BSPH1: variants seen among roughly 807,000 people sequenced by gnomAD.
BSPH1 encodes binder of sperm protein homolog 1.
In BSPH1, 21 loss-of-function variants were observed where a neutral mutation model predicts 22.5. The ratio of observed to expected loss-of-function variants is 0.93; its 90% CI spans 0.66 to 1.35. The LOEUF (loss-of-function observed/expected upper bound fraction) is 1.35. Ranked by LOEUF, BSPH1 falls within the 40% of genes most tolerant of loss-of-function variation. The pLI, the probability that BSPH1 is intolerant of heterozygous loss-of-function variation, is 0.00. For synonymous variants in BSPH1, 42 were observed against 53.6 expected (o/e 0.78, Z 0.95); for missense variants, 141 against 154.2 (o/e 0.91, Z 0.45).
intron 5 of BSPH1, among the ~76,000 whole-genome samples, chr19:47,975,950 C>A (rs769978788): frequency 2.5e-4 from 38 of 152,032 alleles, no homozygotes; most frequent in Non-Finnish European, 8.8e-5. Flanking sequence ...CCACCGTGCC[C>A]GGCCAAGGTA....
At chr19:47,979,636 T>C (rs748068247) in intron 2 of BSPH1, 37 bp from the exon 3 acceptor site, 3 of 1,001,642 alleles carry the variant, frequency 3.0e-6, no homozygotes, top group South Asian at 3.6e-5. Context: ...TTTATTTCAC[T>C]ATTATTAGGC....
At chr19:47,969,684 G>GGGGAGAGAGAGAGAGAGA (rs1162877914) in intron 5 of BSPH1, among the ~76,000 whole-genome samples, 9 of 113,874 alleles carry the variant, frequency 7.9e-5, no homozygotes, top group South Asian at 3.3e-4. Context: ...AGGGAGAGGG[G>GGGGAGAGAGAGAGAGAGA]GAGAGAGAGA....
rs1467349278 is a variant in BSPH1, at chr19:47,992,137, C to A, written c.-56G>T. 2.1e-6 allele frequency: 3 copies of A among 1,409,722 alleles called. No homozygotes were observed. Among genetic ancestry groups the A allele is most frequent in the African/African-American group, 2.9e-5 (2 of 70,108 alleles). 87.3% of individuals were successfully genotyped at this position (1,409,722 alleles called of 1,614,324 possible). On this transcript the variant is annotated 5_prime_UTR_variant, in exon 1 of 6. Transcript: ENST00000344839. ...TCTTCCTGGTCTTTGTCAGCCAGGG[C>A]TCAAGAATCCCCTGGAGAGGCCCAG...
chr19:47,988,524 G>A (rs1325615529), intron 1 of BSPH1, among the ~76,000 whole-genome samples: 1 of 152,154 alleles, frequency 6.6e-6, no homozygotes, highest in African/African-American at 2.4e-5. Context: ...CAGAGGAGGC[G>A]AGAGGAGCCT....
intron 3 of BSPH1, among the ~76,000 whole-genome samples, chr19:47,979,137 CCTT>C (rs1019075201): frequency 2.0e-5 from 3 of 152,062 alleles, no homozygotes; most frequent in East Asian, 1.9e-4. Context: ...TTCTCCTCCT[CCTT>C]CTTCTTCTTC....
chr19:47,982,405 G>A (rs927196688), intron 1 of BSPH1, among the ~76,000 whole-genome samples: 7 of 152,116 alleles, frequency 4.6e-5, no homozygotes, highest in African/African-American at 9.7e-5. Flanking sequence ...CTATTTGCTC[G>A]TGTTTATTCA....
chr19:47,972,704 A>G (rs1036757175), intron 5 of BSPH1, among the ~76,000 whole-genome samples: 11 of 151,998 alleles, frequency 7.2e-5, no homozygotes, highest in Non-Finnish European at 1.3e-4. Context: ...TGGAATTAGA[A>G]TATTGAAGCT....
intron 5 of BSPH1, among the ~76,000 whole-genome samples, chr19:47,969,164 T>C (rs1175987646): frequency 6.6e-6 from 1 of 152,030 alleles, no homozygotes. Context: ...TTTGGCACGT[T>C]TTTTGAAGAC....
At position 47,978,804 on chromosome 19, in the gene BSPH1, A is replaced by G. The variant is rs182874863; in HGVS notation, c.124+766T>C. The stretch of plus-strand genomic sequence containing the variant: ...CATATATTTTCCATTTTCTTCTTAA[A>G]TTAAACAATTTTGTTCCTTTTACAT... On this transcript the variant is annotated intron_variant, in intron 3 of 5. Coordinates refer to ENST00000344839, the MANE Select transcript of BSPH1 (RefSeq NM_001128326.2). Among the ~76,000 whole-genome samples, 343 of 152,328 alleles carry G rather than the reference A, an allele frequency of 2.3e-3. 1 individual carries two copies. The highest frequency in any genetic ancestry group is 2.7e-3 in the Non-Finnish European group (181 of 68,024).
chr19:47,969,144 AGTAGAT>A (rs1292672251), intron 5 of BSPH1, among the ~76,000 whole-genome samples: 2 of 152,044 alleles, frequency 1.3e-5, no homozygotes, highest in Non-Finnish European at 2.9e-5. Context: ...CCTGCAGACA[AGTAGAT>A]GGATTTGGCA....
intron 5 of BSPH1, among the ~76,000 whole-genome samples, chr19:47,973,236 T>A (rs1375529778): frequency 1.5e-4 from 18 of 116,662 alleles, no homozygotes; most frequent in African/African-American, 6.1e-4. Context: ...ATAATAATAA[T>A]AATAATAATA....
At chr19:47,980,888 G>C in intron 2 of BSPH1, 33 bp downstream of exon 2, 1 of 1,347,590 alleles carries the variant, frequency 7.4e-7, no homozygotes, top group Non-Finnish European at 1.0e-6. Flanking sequence ...AATTTGAAAA[G>C]AAACGCTAAT....
chr19:47,978,038 G>T (rs1255163207), intron 3 of BSPH1, among the ~76,000 whole-genome samples: 1 of 78,084 alleles, frequency 1.3e-5, no homozygotes, highest in Non-Finnish European at 2.9e-5. Context: ...ATAGTTATAG[G>T]TGCATACACA....
intron 3 of BSPH1, chr19:47,977,779 C>G (rs1436774252): frequency 1.6e-6 from 1 of 629,330 alleles, no homozygotes; most frequent in African/African-American, 2.0e-5. Flanking sequence ...CTCTCCTAAG[C>G]GTAGAAATAT....
At chr19:47,989,238 T>G (rs1321775508) in intron 1 of BSPH1, among the ~76,000 whole-genome samples, 1 of 151,460 alleles carries the variant, frequency 6.6e-6, no homozygotes, top group East Asian at 1.9e-4. Flanking sequence ...CTCCGCCTCT[T>G]GGGTTCAAGT....
At position 47,977,459 on chromosome 19, in the gene BSPH1, T is replaced by A; in HGVS notation, c.170A>T (p.Tyr57Phe). The A allele has an allele frequency of 6.4e-7, 1 of 1,551,830 alleles. No individual in the cohort carries two copies. Among genetic ancestry groups the A allele is most frequent in the South Asian group, 1.2e-5 (1 of 84,046 alleles). Residue 57 changes from tyrosine (Y) to phenylalanine (F), a missense_variant, in exon 4 of 6, where the codon TAT becomes TTT. Coordinates refer to ENST00000344839, the MANE Select transcript of BSPH1 (RefSeq NM_001128326.2). ...FPFHYKNGTY[Y>F]DCIKSKARHK... ...TCTTGCCTTGGACTTGATGCAGTCA[T>A]AATATGTTCCATTTTTATAGTGGAA...
Position 47,986,477 on chromosome 19 carries a change from G to A in BSPH1, c.73+5532C>T, listed in dbSNP as rs185556717. Among the ~76,000 whole-genome samples, 37 of 152,232 alleles carry A rather than the reference G, an allele frequency of 2.4e-4. No homozygotes were observed. The East Asian group carries it at 6.2e-3, about 25-fold the overall frequency. Reference sequence around the variant, plus strand: ...TTACTGGTCAGGCATGGTGATTTACGCTTGTAATCCCAGCACTTTTGGAGG... The same window carrying A: ...TTACTGGTCAGGCATGGTGATTTACACTTGTAATCCCAGCACTTTTGGAGG... On this transcript the variant is annotated intron_variant, in intron 1 of 5. Coordinates refer to ENST00000344839, the MANE Select transcript of BSPH1 (RefSeq NM_001128326.2).
intron 3 of BSPH1, among the ~76,000 whole-genome samples, chr19:47,978,289 G>A (rs1036696410): frequency 1.3e-4 from 20 of 151,844 alleles, no homozygotes; most frequent in African/African-American, 4.8e-4. Context: ...ATTTTTTGTA[G>A]AGATGAGATC....
intron 5 of BSPH1, among the ~76,000 whole-genome samples, chr19:47,974,047 A>T (rs567227058): frequency 6.6e-6 from 1 of 152,144 alleles, no homozygotes; most frequent in East Asian, 1.9e-4. Flanking sequence ...GTTTGGTGGG[A>T]TTACAAACTC....
Sources: gnomAD v4.1 joint callset for allele counts (sites outside exome capture counted in the v4.1 genomes callset) on GRCh38, gnomAD v4.1.1 for gene constraint, MANE v1.5 for transcripts, NCBI Gene and HGNC (gene_info 2026-07-23, HGNC 2026-07-21) for gene names.